Variants in TRHDE observed in about 807,000 individuals in gnomAD.
TRHDE encodes thyrotropin releasing hormone degrading enzyme, also known as thyrotropin-releasing hormone-degrading ectoenzyme.
Under a neutral mutation model 125.7 loss-of-function variants are expected in TRHDE, and 72 were observed. The observed-to-expected ratio is 0.57, with a 90% CI of 0.47 to 0.70. The LOEUF (loss-of-function observed/expected upper bound fraction) is 0.70. Ranked by LOEUF, TRHDE falls within the 30% of genes least tolerant of loss-of-function variation. TRHDE has a pLI of 0.00. For missense variants in TRHDE, 1,110 were observed against 1,327.1 expected (o/e 0.84, Z 2.54); for synonymous variants, 509 against 509.1 (o/e 1.00, Z 0.00).
intron 1 of TRHDE, chr12:72,275,027 A>G (rs1182637672): frequency 6.6e-6 from 1 of 152,276 alleles, no homozygotes; most frequent in South Asian, 2.1e-4. Context: ...CAACAACTTT[A>G]GAAGAGGAGG....
intron 2 of TRHDE, among the ~76,000 whole-genome samples, chr12:72,174,764 A>G (rs952690492): frequency 5.9e-5 from 9 of 152,178 alleles, no homozygotes; most frequent in South Asian, 2.1e-4. Context: ...ATCAGAGTAC[A>G]TGGGATGTTA....
intron 2 of TRHDE, among the ~76,000 whole-genome samples, chr12:72,115,855 A>T (rs1592446095): frequency 6.6e-6 from 1 of 152,214 alleles, no homozygotes; most frequent in East Asian, 1.9e-4. Flanking sequence ...TTTTAAAAAA[A>T]TTTTACTTCA....
intron 7 of TRHDE, 134 bp downstream of exon 7, chr12:72,542,490 A>G (rs2135987869): frequency 3.4e-6 from 2 of 585,710 alleles, no homozygotes; most frequent in Non-Finnish European, 2.8e-6. Flanking sequence ...ATGTCTTTCT[A>G]TATGACAAAT....
chr12:72,492,603 C>T (rs777409738), intron 5 of TRHDE, among the ~76,000 whole-genome samples: 1 of 151,672 alleles, frequency 6.6e-6, no homozygotes, highest in African/African-American at 2.4e-5. Flanking sequence ...TCTGCTTTAA[C>T]CTTTGTCATG....
In TRHDE at chr12:72,415,800, C is replaced by G. The variant is rs569837133; in HGVS notation, c.1315+37679C>G. ...ATTCATTTGTTGATAGACATTTAGA[C>G]TGATTCCATACCTTGGCTATTGTGC... On this transcript the variant is annotated intron_variant, in intron 3 of 18. Coordinates refer to ENST00000261180, the MANE Select transcript of TRHDE (RefSeq NM_013381.3). 4.5e-4 allele frequency among the ~76,000 whole-genome samples: 69 copies of G among 152,156 alleles called. No individual in the cohort carries two copies. The Middle Eastern group carries it at 0.01, about 23-fold the overall frequency.
intron 7 of TRHDE, among the ~76,000 whole-genome samples, chr12:72,544,622 T>C (rs957484825): frequency 1.3e-4 from 19 of 151,400 alleles, no homozygotes; most frequent in African/African-American, 4.4e-4. Context: ...TTAAACTTCA[T>C]GTTCCACATA....
chr12:72,285,300 A>G (rs1423659343), intron 1 of TRHDE, among the ~76,000 whole-genome samples: 1 of 152,160 alleles, frequency 6.6e-6, no homozygotes, highest in African/African-American at 2.4e-5. Context: ...TAGATTAACC[A>G]TGTATATCAC....
intron 12 of TRHDE, among the ~76,000 whole-genome samples, chr12:72,612,118 C>T (rs918280478): frequency 6.6e-6 from 1 of 152,150 alleles, no homozygotes; most frequent in African/African-American, 2.4e-5. Flanking sequence ...CAGTCTGTTC[C>T]TATCTCAAAA....
chr12:72,137,644 G>A (rs1339041323), intron 2 of TRHDE: 1 of 152,148 alleles, frequency 6.6e-6, no homozygotes, highest in East Asian at 1.9e-4. Flanking sequence ...TAATTTTTGT[G>A]CTCTTCTTTG....
chr12:72,351,043 A>G (rs1439878110), intron 2 of TRHDE, among the ~76,000 whole-genome samples: 1 of 151,990 alleles, frequency 6.6e-6, no homozygotes, highest in Non-Finnish European at 1.5e-5. Flanking sequence ...TGTCATACAC[A>G]CCTTGTTCAA....
chr12:72,450,978 A>G lies in TRHDE; in HGVS notation c.1316-18780A>G, dbSNP rs567852233. Among the ~76,000 whole-genome samples the G allele has an allele frequency of 2.0e-5, 3 of 152,190 alleles. No homozygotes were observed. The East Asian group carries it at 5.8e-4, about 29-fold the overall frequency. ...AACTGTCAATTGCAGTGGTTTGCTC[A>G]TTTCAAAATCAAATTATTTGTTTTC... On this transcript the variant is annotated intron_variant, in intron 3 of 18. Transcript: ENST00000261180.
intron 3 of TRHDE, among the ~76,000 whole-genome samples, chr12:72,447,492 A>G (rs957063965): frequency 8.6e-5 from 13 of 152,034 alleles, no homozygotes; most frequent in African/African-American, 2.9e-4. Context: ...CCAGGGCAGT[A>G]TTTTGAGTAG....
rs541829987 is a variant in TRHDE at position 72,451,433 on chromosome 12, A to G, written c.1316-18325A>G. Reference sequence around the variant, plus strand: ...CACATTTGCCAAAAGTCAATTGACCAAAAATGCAAGGATTTATTTCTGGGC... The same window carrying G: ...CACATTTGCCAAAAGTCAATTGACCGAAAATGCAAGGATTTATTTCTGGGC... On this transcript the variant is annotated intron_variant, in intron 3 of 18. Coordinates refer to ENST00000261180, the MANE Select transcript of TRHDE (RefSeq NM_013381.3). 7.3e-4 allele frequency among the ~76,000 whole-genome samples: 111 copies of G among 152,336 alleles called. 1 individual carries two copies. Among genetic ancestry groups the G allele is most frequent in the African/African-American group, 2.6e-3 (109 of 41,582 alleles).
intron 6 of TRHDE, among the ~76,000 whole-genome samples, chr12:72,521,973 A>T (rs1017137429): frequency 6.6e-6 from 1 of 152,180 alleles, no homozygotes; most frequent in Non-Finnish European, 1.5e-5. Flanking sequence ...TTACGTCTGA[A>T]ATAATAACCT....
chr12:72,495,703 CAT>C (rs1877887235), intron 5 of TRHDE, among the ~76,000 whole-genome samples: 1 of 151,948 alleles, frequency 6.6e-6, no homozygotes, highest in African/African-American at 2.4e-5. Context: ...CAATATCTGG[CAT>C]AGAGTGGTAA....
At chr12:72,574,995 G>T (rs1222758714) in intron 10 of TRHDE, among the ~76,000 whole-genome samples, 1 of 152,064 alleles carries the variant, frequency 6.6e-6, no homozygotes, top group Non-Finnish European at 1.5e-5. Flanking sequence ...AGAAAATTAT[G>T]TATAAGTAAT....
chr12:72,095,658 C>T (rs532412876), intron 1 of TRHDE, among the ~76,000 whole-genome samples: 100 of 152,268 alleles, frequency 6.6e-4, no homozygotes, highest in Non-Finnish European at 1.1e-3. Context: ...AGTGATAGCA[C>T]GCTGGTAGGA....
At chr12:72,370,746 T>A (rs1375176546) in intron 2 of TRHDE, among the ~76,000 whole-genome samples, 2 of 151,970 alleles carry the variant, frequency 1.3e-5, no homozygotes, top group Non-Finnish European at 2.9e-5. Context: ...TTGTTAATGT[T>A]ATTTTTTTTT....
At chr12:72,164,647 G>A (rs565032681) in intron 2 of TRHDE, among the ~76,000 whole-genome samples, 2 of 152,216 alleles carry the variant, frequency 1.3e-5, no homozygotes, top group Non-Finnish European at 2.9e-5. Context: ...AGCTGGACAA[G>A]ATAACCACAC....
Sources: gnomAD v4.1 joint callset for allele counts (sites outside exome capture counted in the v4.1 genomes callset) on GRCh38, gnomAD v4.1.1 for gene constraint, MANE v1.5 for transcripts, NCBI Gene and HGNC (gene_info 2026-07-23, HGNC 2026-07-21) for gene names.